PARM1: variants seen among roughly 807,000 people sequenced by gnomAD.
PARM1 encodes WSC4, cell wall integrity and stress response component 4 homolog.
A neutral mutation model predicts 24.6 loss-of-function variants in PARM1; 14 were observed. That is an observed-to-expected ratio of 0.57 (90% confidence interval 0.38 to 0.89). The LOEUF is 0.89. Among genes scored for constraint, PARM1 ranks in the 40% least tolerant of loss-of-function variants. The pLI is 0.00. For missense variants in PARM1, 362 were observed against 380.4 expected (o/e 0.95, Z 0.40); for synonymous variants, 179 against 156.6 (o/e 1.14, Z -1.07).
intron 1 of PARM1, among the ~76,000 whole-genome samples, chr4:74,993,473 A>G (rs1722516400): frequency 6.6e-6 from 1 of 152,156 alleles, no homozygotes; most frequent in Admixed American, 6.6e-5. Flanking sequence ...CTGACCCACA[A>G]AATCTGTGAA....
intron 1 of PARM1, among the ~76,000 whole-genome samples, chr4:74,979,134 G>GCA (rs751546976): frequency 1.3e-5 from 2 of 148,632 alleles, no homozygotes; most frequent in Admixed American, 6.7e-5. Flanking sequence ...AGATAGAGAC[G>GCA]CACACACACA....
intron 3 of PARM1, among the ~76,000 whole-genome samples, chr4:75,044,594 C>A (rs1344914563): frequency 1.3e-5 from 2 of 152,076 alleles, no homozygotes; most frequent in African/African-American, 4.8e-5. Flanking sequence ...GAAGCAATAA[C>A]AAGTAAATTA....
intron 2 of PARM1, among the ~76,000 whole-genome samples, chr4:75,024,053 C>G (rs1475991128): frequency 1.3e-5 from 2 of 152,108 alleles, no homozygotes; most frequent in Non-Finnish European, 2.9e-5. Flanking sequence ...GGGCAGATCA[C>G]GAGGTCAGGA....
intron 1 of PARM1, among the ~76,000 whole-genome samples, chr4:75,007,004 C>T (rs1332136192): frequency 6.6e-6 from 1 of 152,094 alleles, no homozygotes; most frequent in Non-Finnish European, 1.5e-5. Flanking sequence ...CCAGAATCTA[C>T]AAAGAACTTA....
intron 1 of PARM1, among the ~76,000 whole-genome samples, chr4:74,983,990 C>T (rs1397608784): frequency 2.0e-5 from 3 of 152,170 alleles, no homozygotes; most frequent in African/African-American, 7.2e-5. Context: ...AGCAAGACCC[C>T]ATCTGTAAAA....
intron 2 of PARM1, among the ~76,000 whole-genome samples, chr4:75,032,447 T>C (rs1482910354): frequency 5.3e-5 from 8 of 152,146 alleles, no homozygotes; most frequent in Non-Finnish European, 1.2e-4. Flanking sequence ...ACAGGAGCCG[T>C]TCATACCAGC....
chr4:75,034,466 G>A (rs1162618897), intron 3 of PARM1, among the ~76,000 whole-genome samples: 2 of 152,094 alleles, frequency 1.3e-5, no homozygotes, highest in African/African-American at 4.8e-5. Flanking sequence ...CTATAAAACC[G>A]TTTTTTCTCC....
At chr4:75,027,988 A>C (rs1357260625) in intron 2 of PARM1, among the ~76,000 whole-genome samples, 1 of 152,226 alleles carries the variant, frequency 6.6e-6, no homozygotes, top group East Asian at 1.9e-4. Context: ...CTTGTATCCC[A>C]GTTCTTCTAC....
At chr4:74,982,558 T>C (rs1260998405) in intron 1 of PARM1, among the ~76,000 whole-genome samples, 2 of 152,188 alleles carry the variant, frequency 1.3e-5, no homozygotes, top group African/African-American at 4.8e-5. Flanking sequence ...AGCAACTTCC[T>C]CTTCTCACCA....
At chr4:74,963,074 C>T (rs745634607) in intron 1 of PARM1, among the ~76,000 whole-genome samples, 4 of 152,304 alleles carry the variant, frequency 2.6e-5, no homozygotes, top group East Asian at 1.9e-4. Flanking sequence ...CATCCTGTCA[C>T]GCTGTGAAGA....
intron 1 of PARM1, among the ~76,000 whole-genome samples, chr4:74,976,884 G>T (rs1722149234): frequency 6.6e-6 from 1 of 151,824 alleles, no homozygotes; most frequent in Non-Finnish European, 1.5e-5. Flanking sequence ...ACTGTTAAAA[G>T]AAAAACAAAC....
chr4:75,025,111 A>G (rs1480629299), intron 2 of PARM1, among the ~76,000 whole-genome samples: 1 of 152,234 alleles, frequency 6.6e-6, no homozygotes, highest in Non-Finnish European at 1.5e-5. Context: ...CTCATTGTTC[A>G]TGGAGATGCT....
chr4:75,020,495 C>T (rs559393307), intron 2 of PARM1, among the ~76,000 whole-genome samples: 4 of 134,108 alleles, frequency 3.0e-5, no homozygotes, highest in Non-Finnish European at 5.9e-5. Context: ...CCTCATTTCC[C>T]CCCCCCCGCA....
intron 1 of PARM1, among the ~76,000 whole-genome samples, chr4:75,005,266 A>C (rs954846977): frequency 1.3e-5 from 2 of 152,192 alleles, no homozygotes; most frequent in African/African-American, 4.8e-5. Context: ...GCTTGACTGC[A>C]TTTTGATCAA....
chr4:74,978,081 G>C lies in PARM1; in HGVS notation c.44-34344G>C, dbSNP rs557225490. On this transcript the variant is annotated intron_variant, in intron 1 of 3. Coordinates refer to ENST00000307428, the MANE Select transcript of PARM1 (RefSeq NM_015393.4). ...GACAAGTCTGCAAAATAACTGGCTA[G>C]AATCATGATGACAGGATCAAATTCA... is the stretch of plus-strand genomic sequence containing the variant. 8.9e-4 allele frequency among the ~76,000 whole-genome samples: 135 copies of C among 152,264 alleles called. 1 individual carries two copies. The highest frequency in any genetic ancestry group is 2.9e-3 in the African/African-American group (120 of 41,544).
intron 2 of PARM1, among the ~76,000 whole-genome samples, chr4:75,020,445 A>G (rs978187020): frequency 9.2e-5 from 14 of 151,718 alleles, no homozygotes; most frequent in African/African-American, 3.1e-4. Flanking sequence ...TTTTTATCTC[A>G]GAGCTCCCAT....
At chr4:75,013,652 C>G (rs1353306773) in intron 2 of PARM1, among the ~76,000 whole-genome samples, 4 of 152,318 alleles carry the variant, frequency 2.6e-5, no homozygotes, top group African/African-American at 9.6e-5. Flanking sequence ...TATTATTATT[C>G]TGCTCAGTGT....
In PARM1 at chr4:75,013,040, C is replaced by A. The variant is rs773198884; in HGVS notation, c.659C>A (p.Thr220Lys). ...GCTGAGCCAGTACCCCAGGAGAAAA[C>A]ACCCCCAACAACTGTGTCAGGCAAA... ...ATAEPVPQEKTPPTTVSGKVM... is the reference protein window; with the variant it reads ...ATAEPVPQEKKPPTTVSGKVM... The change falls in exon 2 of 4, where the codon ACA becomes AAA. Residue 220 changes from threonine (T) to lysine (K), a missense_variant. By Grantham distance (78) the Thr-to-Lys change is moderately conservative. Coordinates refer to ENST00000307428, the MANE Select transcript of PARM1 (RefSeq NM_015393.4). 1.2e-6 allele frequency: 2 copies of A among 1,614,028 alleles called. No individual in the cohort carries two copies. The highest frequency in any genetic ancestry group is 2.2e-5 in the South Asian group (2 of 91,072).
chr4:74,970,459 T>C (rs1191220007), intron 1 of PARM1: 1 of 152,138 alleles, frequency 6.6e-6, no homozygotes, highest in Non-Finnish European at 1.5e-5. Flanking sequence ...GTGGCACAGA[T>C]GTTGTGGAGA....
Sources: gnomAD v4.1 joint callset for allele counts (sites outside exome capture counted in the v4.1 genomes callset) on GRCh38, gnomAD v4.1.1 for gene constraint, MANE v1.5 for transcripts, NCBI Gene and HGNC (gene_info 2026-07-23, HGNC 2026-07-21) for gene names.